Variants in SNX29 observed in about 807,000 individuals in gnomAD.
SNX29 encodes the protein sorting nexin-29.
A neutral mutation model predicts 102.1 loss-of-function variants in SNX29; 78 were observed. The ratio of observed to expected loss-of-function variants is 0.76; its 90% CI spans 0.64 to 0.92. SNX29 has a LOEUF of 0.92. SNX29 is among the 40% of genes least tolerant of loss of function. The pLI is 0.00. For missense variants in SNX29, 1,280 were observed against 1,061.7 expected, an observed-to-expected ratio of 1.21 and a Z score of -2.86; for synonymous variants, 580 against 414.5, an observed-to-expected ratio of 1.40 and a Z score of -4.85.
intron 20 of SNX29, among the ~76,000 whole-genome samples, chr16:12,538,837 C>T (rs935250460): frequency 2.7e-4 from 41 of 152,112 alleles, no homozygotes; most frequent in African/African-American, 8.4e-4. Flanking sequence ...TGCAAAGTCA[C>T]GTGGCAAAGA....
chr16:12,283,617 G>A (rs1031186037), intron 15 of SNX29, among the ~76,000 whole-genome samples: 2 of 152,106 alleles, frequency 1.3e-5, no homozygotes, highest in African/African-American at 2.4e-5. Context: ...CTTGCAGAGC[G>A]ACTTCTGTTG....
At chr16:12,566,970 G>A (rs187627591) in intron 20 of SNX29, among the ~76,000 whole-genome samples, 43 of 152,228 alleles carry the variant, frequency 2.8e-4, no homozygotes, top group African/African-American at 9.4e-4. Flanking sequence ...GATCTCACTC[G>A]CACAGTGGCC....
rs1466453533 is a variant in SNX29 at position 12,569,214 on chromosome 16, A to C, written c.*585A>C. ...TGGCACTGTCACAGCTCACTTTTCC[A>C]GAGGGATATTCCTGTGGCTTTGGCA... is the stretch of plus-strand genomic sequence containing the variant. On this transcript the variant is annotated 3_prime_UTR_variant, in exon 21 of 21. Transcript: ENST00000566228. The C allele has an allele frequency of 4.5e-6, 1 of 221,472 alleles. No individual in the cohort carries two copies. Among genetic ancestry groups the C allele is most frequent in the Non-Finnish European group, 8.9e-6 (1 of 112,004 alleles). The allele number at this position is 221,472 out of a possible 1,614,324, so 13.7% of individuals were successfully genotyped here. A position where few individuals can be genotyped will look rare whatever the true frequency, so the allele number is the denominator to read the frequency against.
At chr16:12,535,532 A>G (rs1618096) in intron 20 of SNX29, among the ~76,000 whole-genome samples, 2 of 152,098 alleles carry the variant, frequency 1.3e-5, no homozygotes, top group Non-Finnish European at 2.9e-5. Flanking sequence ...TGGCCAAGCC[A>G]TAGTCTCACA....
intron 11 of SNX29, among the ~76,000 whole-genome samples, chr16:12,124,020 G>T (rs1326771291): frequency 1.3e-5 from 2 of 152,162 alleles, no homozygotes; most frequent in African/African-American, 4.8e-5. Flanking sequence ...ATCTCAAACC[G>T]AAGTGTGAGG....
intron 13 of SNX29, among the ~76,000 whole-genome samples, chr16:12,142,102 A>C (rs2141510134): frequency 6.6e-6 from 1 of 152,312 alleles, no homozygotes; most frequent in African/African-American, 2.4e-5. Flanking sequence ...AAGACCATTT[A>C]CAAATGTATT....
At chr16:12,001,775 TGA>T (rs1246510634) in intron 2 of SNX29, among the ~76,000 whole-genome samples, 2 of 152,066 alleles carry the variant, frequency 1.3e-5, no homozygotes, top group African/African-American at 4.8e-5. Context: ...CCCAGTGCTT[TGA>T]GAGGTTGGGG....
At chr16:12,165,737 T>G (rs113917647) in intron 13 of SNX29, among the ~76,000 whole-genome samples, 2,285 of 152,336 alleles carry the variant, frequency 0.015, 54 homozygotes, top group African/African-American at 0.053. Context: ...CAAATTTTTG[T>G]GTGTTCAGTG....
chr16:12,249,645 A>AT (rs1366399806), intron 14 of SNX29, among the ~76,000 whole-genome samples: 1 of 152,214 alleles, frequency 6.6e-6, no homozygotes, highest in African/African-American at 2.4e-5. Flanking sequence ...CCCCAGGGAA[A>AT]TTGCTGAGCT....
chr16:12,551,913 C>T (rs1370012169), intron 20 of SNX29, among the ~76,000 whole-genome samples: 2 of 152,288 alleles, frequency 1.3e-5, no homozygotes, highest in South Asian at 2.1e-4. Context: ...TCTCTATACC[C>T]TACCACACAG....
chr16:12,558,973 CAGAGACTTT>C (rs2078548608), intron 20 of SNX29, among the ~76,000 whole-genome samples: 1 of 152,186 alleles, frequency 6.6e-6, no homozygotes. Context: ...CAGAGGGATT[CAGAGACTTT>C]AAAGAAATTT....
chr16:12,198,980 G>A (rs749590037), intron 13 of SNX29, among the ~76,000 whole-genome samples: 1 of 152,136 alleles, frequency 6.6e-6, no homozygotes, highest in Non-Finnish European at 1.5e-5. Flanking sequence ...TTCAGCAGGT[G>A]GGGTCCTGTC....
At chr16:12,381,651 ACCCACCCACCCAC>A (rs1409409910) in intron 16 of SNX29, among the ~76,000 whole-genome samples, 1 of 2,282 alleles carries the variant, frequency 4.4e-4, no homozygotes, top group Non-Finnish European at 8.0e-4. Context: ...CCACCTATCC[ACCCACCCACCCAC>A]CCCACCCATC....
At chr16:12,537,637 A>ATATT (rs2077135446) in intron 20 of SNX29, among the ~76,000 whole-genome samples, 1 of 152,176 alleles carries the variant, frequency 6.6e-6, no homozygotes, top group African/African-American at 2.4e-5. Flanking sequence ...GGCAGCTTAG[A>ATATT]TATTATTACA....
intron 10 of SNX29, among the ~76,000 whole-genome samples, chr16:12,074,246 T>C (rs1319065759): frequency 1.3e-5 from 2 of 152,298 alleles, no homozygotes; most frequent in Admixed American, 1.3e-4. Context: ...TGTTAGTTGA[T>C]GCAGTTTCTT....
At chr16:12,082,390 C>T (rs1029893201) in intron 11 of SNX29, among the ~76,000 whole-genome samples, 2 of 152,256 alleles carry the variant, frequency 1.3e-5, no homozygotes, top group African/African-American at 2.4e-5. Flanking sequence ...TTGTCAGCTG[C>T]GTCTCAGGTC....
intron 18 of SNX29, among the ~76,000 whole-genome samples, chr16:12,457,197 C>G (rs1221732175): frequency 1.3e-5 from 2 of 152,184 alleles, no homozygotes; most frequent in East Asian, 3.8e-4. Context: ...ACAATAAACA[C>G]CGGTCATGCT....
At position 12,547,405 on chromosome 16, in the gene SNX29, A is replaced by T. The variant is rs138893366; in HGVS notation, c.2319-21101A>T. Among the ~76,000 whole-genome samples, 1,029 of 152,264 alleles carry T rather than the reference A, an allele frequency of 6.8e-3. 14 individuals carry two copies. Among genetic ancestry groups the T allele is most frequent in the African/African-American group, 0.024 (978 of 41,546 alleles). On this transcript the variant is annotated intron_variant, in intron 20 of 20. Transcript: ENST00000566228. ...CTTTGTTATGGGTGATAGAACAGGT[A>T]GTTAGGGGACCATGTGGGCACCCCG...
intron 19 of SNX29, among the ~76,000 whole-genome samples, chr16:12,480,012 G>A (rs1355199591): frequency 6.6e-6 from 1 of 152,182 alleles, no homozygotes; most frequent in Non-Finnish European, 1.5e-5. Context: ...ATTGTGTTAT[G>A]AAATGAACTT....
Sources: gnomAD v4.1 joint callset for allele counts (sites outside exome capture counted in the v4.1 genomes callset) on GRCh38, gnomAD v4.1.1 for gene constraint, MANE v1.5 for transcripts, NCBI Gene and HGNC (gene_info 2026-07-23, HGNC 2026-07-21) for gene names.